UNC5C: variants seen among roughly 807,000 people sequenced by gnomAD.
UNC5C encodes the protein netrin receptor UNC5C.
A neutral mutation model predicts 99.8 loss-of-function variants in UNC5C; 47 were observed. That is an observed-to-expected ratio of 0.47 (90% CI 0.37 to 0.60). UNC5C has a LOEUF of 0.60. Ranked by LOEUF, UNC5C falls within the 20% of genes least tolerant of loss-of-function variation. UNC5C has a pLI of 0.00. For synonymous variants in UNC5C, 487 were observed against 452.2 expected (o/e 1.08, Z -0.98); for missense variants, 1,062 against 1,165.9 (o/e 0.91, Z 1.30).
intron 4 of UNC5C, among the ~76,000 whole-genome samples, chr4:95,255,200 G>A (rs531450031): frequency 2.0e-5 from 3 of 151,874 alleles, no homozygotes; most frequent in South Asian, 2.1e-4. Flanking sequence ...GGCTAGTTTC[G>A]AACTCCTGAC....
At chr4:95,385,266 G>A (rs2149443262) in intron 1 of UNC5C, among the ~76,000 whole-genome samples, 1 of 152,264 alleles carries the variant, frequency 6.6e-6, no homozygotes, top group Non-Finnish European at 1.5e-5. Context: ...TTGTGTCGAT[G>A]TGCGGAAGTG....
At chr4:95,248,455 CT>C in intron 5 of UNC5C, 1 of 439,412 alleles carries the variant, frequency 2.3e-6, no homozygotes, top group Non-Finnish European at 4.5e-6. Flanking sequence ...ACAGAATTAT[CT>C]GGATCGTAAC....
chr4:95,252,608 G>A (rs1185968904), intron 4 of UNC5C, among the ~76,000 whole-genome samples: 1 of 152,158 alleles, frequency 6.6e-6, no homozygotes, highest in East Asian at 1.9e-4. Flanking sequence ...CTACATCCTT[G>A]AGACTGGACC....
chr4:95,170,885 T>G (rs987960172), intron 14 of UNC5C, among the ~76,000 whole-genome samples: 1 of 152,210 alleles, frequency 6.6e-6, no homozygotes, highest in Non-Finnish European at 1.5e-5. Flanking sequence ...CTAAATGATA[T>G]CAACTTAAGG....
chr4:95,211,630 G>C (rs1738077994), intron 10 of UNC5C, among the ~76,000 whole-genome samples: 1 of 152,120 alleles, frequency 6.6e-6, no homozygotes, highest in African/African-American at 2.4e-5. Context: ...TTCCCTTCTT[G>C]AAAGGCTTAG....
intron 1 of UNC5C, among the ~76,000 whole-genome samples, chr4:95,433,981 C>A (rs1159107990): frequency 6.6e-6 from 1 of 152,172 alleles, no homozygotes; most frequent in East Asian, 1.9e-4. Context: ...AATATCACTT[C>A]CTTAAAAATG....
At chr4:95,210,446 C>T (rs1738038557) in intron 10 of UNC5C, among the ~76,000 whole-genome samples, 2 of 152,096 alleles carry the variant, frequency 1.3e-5, no homozygotes, top group Non-Finnish European at 2.9e-5. Context: ...GAGTGTGTAA[C>T]ACATTTCCTT....
chr4:95,511,834 TGTG>T (rs1722084623), intron 1 of UNC5C, among the ~76,000 whole-genome samples: 2 of 152,082 alleles, frequency 1.3e-5, no homozygotes, highest in African/African-American at 4.8e-5. Flanking sequence ...TACCAATTAC[TGTG>T]GAAATGAAGA....
intron 4 of UNC5C, among the ~76,000 whole-genome samples, chr4:95,265,153 T>C (rs1157315146): frequency 2.6e-5 from 4 of 152,186 alleles, no homozygotes; most frequent in African/African-American, 4.8e-5. Flanking sequence ...GAATGAGATA[T>C]GCACTGGTTG....
At chr4:95,272,723 C>T (rs539024783) in intron 4 of UNC5C, among the ~76,000 whole-genome samples, 1 of 152,338 alleles carries the variant, frequency 6.6e-6, no homozygotes, top group East Asian at 1.9e-4. Context: ...TGTAGCTACA[C>T]ACGTGGTAGC....
At chr4:95,468,955 G>A (rs771438300) in intron 1 of UNC5C, among the ~76,000 whole-genome samples, 11 of 152,130 alleles carry the variant, frequency 7.2e-5, no homozygotes, top group Non-Finnish European at 1.0e-4. Context: ...TCTTTGCTCA[G>A]GCATTATTGT....
At chr4:95,204,143 A>G (rs1312447349) in intron 11 of UNC5C, among the ~76,000 whole-genome samples, 1 of 152,222 alleles carries the variant, frequency 6.6e-6, no homozygotes, top group African/African-American at 2.4e-5. Flanking sequence ...GTCTAAAGAG[A>G]TGGGTTTTTA....
At chr4:95,466,789 T>C (rs1305026471) in intron 1 of UNC5C, among the ~76,000 whole-genome samples, 1 of 152,210 alleles carries the variant, frequency 6.6e-6, no homozygotes, top group African/African-American at 2.4e-5. Flanking sequence ...ATTTTCTTTC[T>C]TAAGAAAGAT....
rs757235410 is a variant in UNC5C, at chr4:95,220,129, C to T, written c.1156G>A (p.Ala386Thr). The T allele has an allele frequency of 2.5e-6, 4 of 1,613,974 alleles. No homozygotes were observed. Among genetic ancestry groups the T allele is most frequent in the Non-Finnish European group, 2.5e-6 (3 of 1,179,998 alleles). ...DVALYVGIVI[A>T]VIVCLAISVV... ...GAGATCGCCAGGCAAACGATCACTG[C>T]TATCACAATCCCAACATAGAGAGCA... is the stretch of plus-strand genomic sequence containing the variant. The change falls in exon 8 of 16, where the codon GCA (alanine) becomes ACA (threonine). Residue 386 changes from alanine (A) to threonine (T), a missense_variant. Around this residue, in one of 3 missense-constraint regions of UNC5C, gnomAD observed 810 missense variants for 854.5 expected, o/e 0.95. Transcript: ENST00000453304.
chr4:95,339,375 A>G (rs1244845644), intron 1 of UNC5C, among the ~76,000 whole-genome samples: 6 of 152,040 alleles, frequency 3.9e-5, no homozygotes. Context: ...CCATGGGGAT[A>G]AGAAAATCTG....
Position 95,232,106 on chromosome 4 carries a change from A to G in UNC5C, c.1108+10323T>C, listed in dbSNP as rs1278154806. On this transcript the variant is annotated intron_variant, in intron 7 of 15. Transcript: ENST00000453304. ...CTTATCTCATGATTCACAGTAGGTG[A>G]AGCATAAATGCCTGAAATTTAAACT... Among the ~76,000 whole-genome samples the G allele has an allele frequency of 3.9e-5, 6 of 152,268 alleles. No homozygotes were observed. The South Asian group carries it at 1.0e-3, about 26-fold the overall frequency.
chr4:95,543,988 TATC>T, intron 1 of UNC5C, among the ~76,000 whole-genome samples: 1 of 152,214 alleles, frequency 6.6e-6, no homozygotes, highest in Non-Finnish European at 1.5e-5. Flanking sequence ...TGTCAGCAGC[TATC>T]ATCACTCTGA....
At chr4:95,209,125 A>G (rs1308499102) in intron 10 of UNC5C, among the ~76,000 whole-genome samples, 2 of 152,220 alleles carry the variant, frequency 1.3e-5, no homozygotes, top group Non-Finnish European at 2.9e-5. Context: ...TCTGGAATGC[A>G]ACCATTGAGT....
intron 3 of UNC5C, among the ~76,000 whole-genome samples, chr4:95,299,151 A>G (rs766497355): frequency 6.6e-5 from 10 of 152,174 alleles, no homozygotes; most frequent in Non-Finnish European, 1.5e-4. Flanking sequence ...TCAAGTTAAA[A>G]TGAAGCTGTT....
Sources: gnomAD v4.1 joint callset for allele counts (sites outside exome capture counted in the v4.1 genomes callset) on GRCh38, gnomAD v4.1.1 for gene constraint, gnomAD v4.1.1 regional missense constraint, MANE v1.5 for transcripts, NCBI Gene and HGNC (gene_info 2026-07-23, HGNC 2026-07-21) for gene names.